Variants in OR2L13 observed in about 807,000 individuals in gnomAD.
OR2L13 encodes the protein olfactory receptor 2L13.
Under a neutral mutation model 15.3 loss-of-function variants are expected in OR2L13, and 14 were observed. That is an observed-to-expected ratio of 0.91 (90% CI 0.60 to 1.43). The LOEUF (loss-of-function observed/expected upper bound fraction) is 1.43, where lower values mean the gene tolerates loss of function less well. Ranked by LOEUF, OR2L13 falls within the 40% of genes most tolerant of loss-of-function variation. The probability of loss-of-function intolerance (pLI) is 0.00; values close to 1 mark genes in which losing one functional copy is unlikely to be tolerated. For missense variants in OR2L13, 367 were observed against 387.9 expected (o/e 0.95, Z 0.45); for synonymous variants, 152 against 142.9 (o/e 1.06, Z -0.45).
At chr1:247,974,643 G>A in the OR2L13 span, 1 of 188,514 alleles carries the variant, frequency 5.3e-6, no homozygotes, top group Non-Finnish European at 1.2e-5. Context: ...TCAGTTTCAG[G>A]CATTCCCTGG....
chr1:248,046,103 T>G, the OR2L13 span, among the ~76,000 whole-genome samples: 1 of 152,178 alleles, frequency 6.6e-6, no homozygotes, highest in Non-Finnish European at 1.5e-5. Context: ...AGTACTCTAC[T>G]GAGTAAAAAT....
the OR2L13 span, among the ~76,000 whole-genome samples, chr1:248,070,063 C>A: frequency 6.6e-6 from 1 of 151,980 alleles, no homozygotes; most frequent in African/African-American, 2.4e-5. Context: ...TTAGACAGAT[C>A]AATGAGACAG....
the OR2L13 span, among the ~76,000 whole-genome samples, chr1:247,973,151 C>G: frequency 6.6e-6 from 1 of 152,148 alleles, no homozygotes; most frequent in African/African-American, 2.4e-5. Flanking sequence ...CTATTTATGA[C>G]AAACACATAC....
the OR2L13 span, chr1:247,966,110 T>C: frequency 1.1e-5 from 17 of 1,614,102 alleles, no homozygotes; most frequent in Non-Finnish European, 1.4e-5. Context: ...TCCTCCCACC[T>C]GATTGTGGCA....
At chr1:248,000,123 G>GTGTGTGTGTGTGTGTGT in the OR2L13 span, among the ~76,000 whole-genome samples, 330 of 138,284 alleles carry the variant, frequency 2.4e-3, 2 homozygotes, top group Middle Eastern at 0.021. Flanking sequence ...TTTTTTTTTT[G>GTGTGTGTGTGTGTGTGT]GTGTGTGTGT....
the OR2L13 span, among the ~76,000 whole-genome samples, chr1:247,942,914 C>G: frequency 5.3e-5 from 8 of 151,084 alleles, no homozygotes; most frequent in African/African-American, 2.0e-4. Context: ...TCCACTCTTC[C>G]ACTTCCTCTC....
At chr1:248,061,475 G>A in the OR2L13 span, 66 of 1,613,690 alleles carry the variant, frequency 4.1e-5, no homozygotes, top group African/African-American at 8.0e-5. Context: ...AGATCCCTGC[G>A]ATCTCCAACA....
chr1:247,971,105 A>G, the OR2L13 span, among the ~76,000 whole-genome samples: 1 of 152,220 alleles, frequency 6.6e-6, no homozygotes, highest in Non-Finnish European at 1.5e-5. Context: ...TTATTTCTAT[A>G]TCAACTTATT....
At chr1:248,062,984 TG>T in the OR2L13 span, 1 of 152,270 alleles carries the variant, frequency 6.6e-6, no homozygotes, top group Non-Finnish European at 1.5e-5. Flanking sequence ...AGTACCATTC[TG>T]TTTTGGTTAT....
At chr1:248,025,411 A>G in the OR2L13 span, among the ~76,000 whole-genome samples, 2 of 149,106 alleles carry the variant, frequency 1.3e-5, no homozygotes, top group Admixed American at 1.3e-4. Flanking sequence ...ACCATCTCAC[A>G]CCAGTTAGAA....
At chr1:248,056,342 C>A in the OR2L13 span, among the ~76,000 whole-genome samples, 1 of 151,888 alleles carries the variant, frequency 6.6e-6, no homozygotes, top group East Asian at 1.9e-4. Flanking sequence ...TTTTGTGGGT[C>A]TCCATCTCCT....
the OR2L13 span, among the ~76,000 whole-genome samples, chr1:247,970,333 TATA>T: frequency 6.6e-6 from 1 of 150,954 alleles, no homozygotes; most frequent in Non-Finnish European, 1.5e-5. Context: ...AAACTTAAAG[TATA>T]ATAATAATTA....
At chr1:248,097,356 A>C (rs1463318248) in intron 1 of OR2L13, 1 of 152,246 alleles carries the variant, frequency 6.6e-6, no homozygotes, top group Non-Finnish European at 1.5e-5. Flanking sequence ...CTATAAGGTA[A>C]CCGACAGAAT....
chr1:248,005,575 T>A, the OR2L13 span, among the ~76,000 whole-genome samples: 1 of 152,326 alleles, frequency 6.6e-6, no homozygotes, highest in East Asian at 1.9e-4. Context: ...TTTTACTATT[T>A]ATGTGCAGAA....
the OR2L13 span, among the ~76,000 whole-genome samples, chr1:247,940,741 TGTGTGTGTGTGTGTGC>T: frequency 1.6e-4 from 24 of 150,632 alleles, 1 homozygote; most frequent in Admixed American, 1.5e-3. Flanking sequence ...CGTGTGTGTG[TGTGTGTGTGTGTGTGC>T]GCGCGCTAAG....
At chr1:248,063,509 T>G in the OR2L13 span, 7 of 152,374 alleles carry the variant, frequency 4.6e-5, no homozygotes, top group East Asian at 1.3e-3. Flanking sequence ...CTAACAAAGT[T>G]TACTGCCTTA....
the OR2L13 span, among the ~76,000 whole-genome samples, chr1:247,979,324 C>T: frequency 7.2e-5 from 11 of 152,068 alleles, no homozygotes; most frequent in Non-Finnish European, 1.6e-4. Context: ...CCACCACCCC[C>T]CAAAAGGCCC....
At chr1:248,075,908 C>T in the OR2L13 span, among the ~76,000 whole-genome samples, 2 of 152,182 alleles carry the variant, frequency 1.3e-5, no homozygotes. Flanking sequence ...GTGTTTTAGT[C>T]ATGACGCCCT....
chr1:248,006,843 C>T, the OR2L13 span, among the ~76,000 whole-genome samples: 1 of 152,134 alleles, frequency 6.6e-6, no homozygotes, highest in African/African-American at 2.4e-5. Flanking sequence ...AGAAAGCAAC[C>T]TTTCTCCAGA....
Sources: allele counts gnomAD v4.1 joint callset (sites outside exome capture counted in the v4.1 genomes callset), GRCh38; gene constraint gnomAD v4.1.1; transcripts MANE v1.5; gene names NCBI Gene and HGNC (gene_info 2026-07-23, HGNC 2026-07-21).